PRRC2B: variants seen among roughly 807,000 people sequenced by gnomAD.
PRRC2B encodes the protein protein PRRC2B.
In PRRC2B, 68 loss-of-function variants were observed where a neutral mutation model predicts 242.3. The ratio of observed to expected loss-of-function variants is 0.28; its 90% CI spans 0.23 to 0.34. The LOEUF is 0.34. Ranked by LOEUF, PRRC2B falls within the 10% of genes least tolerant of loss-of-function variation. PRRC2B has a pLI of 1.00. For synonymous variants in PRRC2B, 1,228 were observed against 1,173.6 expected (o/e 1.05, Z -0.95); for missense variants, 2,835 against 2,954.8 (o/e 0.96, Z 0.94).
At position 131,484,976 on chromosome 9, in the gene PRRC2B, A is replaced by G. The variant is rs887946317; in HGVS notation, c.5594A>G (p.Asn1865Ser). The G allele has an allele frequency of 3.7e-6, 6 of 1,610,908 alleles. No homozygotes were observed. Among genetic ancestry groups the G allele is most frequent in the Non-Finnish European group, 4.2e-6 (5 of 1,178,666 alleles). ...GAGTCTGCGCGCAAGGCTTGGGAAA[A>G]CTCCCCCAGTTTGCCGGAGCAGAGC... ...KMESARKAWE[N>S]SPSLPEQSSP... is the part of the protein sequence containing the mutation. The change falls in exon 25 of 32, where the codon AAC (asparagine) becomes AGC (serine). Residue 1865 changes from asparagine to serine, a missense_variant. This residue lies in a region of PRRC2B where 574 missense variants were observed against 626.0 expected (regional missense o/e 0.92). Coordinates refer to ENST00000683519, the MANE Select transcript of PRRC2B (RefSeq NM_013318.4).
chr9:131,488,323 G>T (rs1218409516), intron 28 of PRRC2B, among the ~76,000 whole-genome samples: 1 of 151,546 alleles, frequency 6.6e-6, no homozygotes, highest in African/African-American at 2.4e-5. Context: ...GAGTGCAGTG[G>T]CATGATCTCG....
In PRRC2B at chr9:131,486,138, C is replaced by T. The variant is rs1944017685; in HGVS notation, c.5812C>T (p.Arg1938Trp). The change falls in exon 26 of 32, where the codon CGG (arginine) becomes TGG (tryptophan). Residue 1938 changes from arginine (R) to tryptophan (W), a missense_variant. By Grantham distance (101) the Arg-to-Trp change is moderately radical. Coordinates refer to ENST00000683519, the MANE Select transcript of PRRC2B (RefSeq NM_013318.4). ...LDGHVFASQP[R>W]LVPQTIPQQQ... ...TGGCCATGTGTTTGCAAGTCAGCCCCGGCTGGTTCCTCAAACGATACCTCA... is the reference window on the plus strand; with the variant it reads ...TGGCCATGTGTTTGCAAGTCAGCCCTGGCTGGTTCCTCAAACGATACCTCA... 5 of 1,612,944 alleles carry T rather than the reference C, an allele frequency of 3.1e-6. No homozygotes were observed. The highest frequency in any genetic ancestry group is 1.7e-5 in the Admixed American group (1 of 59,852).
rs757907155 is a variant in PRRC2B at position 131,483,377 on chromosome 9, C to T, written c.5392C>T (p.Pro1798Ser). 6.2e-7 allele frequency: 1 copy of T among 1,613,968 alleles called. No homozygotes were observed. Among genetic ancestry groups the T allele is most frequent in the Admixed American group, 1.7e-5 (1 of 60,022 alleles). ...TTTTCAGGACTCCGATTTCAGCTTG[C>T]CACCTGGTTCTGCCTCTGGTCCTAC... ...VSPKDSDFSL[P>S]PGSASGPTGS... The change falls in exon 23 of 32, where the codon CCA becomes TCA. Residue 1798 changes from proline (P) to serine (S), a missense_variant. Physicochemically the swap from Pro to Ser is moderately conservative, Grantham distance 74. Transcript: ENST00000683519.
intron 11 of PRRC2B, among the ~76,000 whole-genome samples, chr9:131,460,616 A>C (rs1272432231): frequency 6.6e-6 from 1 of 152,130 alleles, no homozygotes; most frequent in Non-Finnish European, 1.5e-5. Context: ...GTTGGGAGAA[A>C]CTTTGAGACT....
intron 1 of PRRC2B, among the ~76,000 whole-genome samples, chr9:131,406,290 T>C (rs1837359117): frequency 2.0e-5 from 3 of 152,192 alleles, no homozygotes; most frequent in Admixed American, 2.0e-4. Context: ...GCATCAGGGC[T>C]CTTCTGTACA....
chr9:131,487,726 T>G lies in PRRC2B; in HGVS notation c.5985-130T>G. The G allele has an allele frequency of 9.6e-6, 12 of 1,245,466 alleles. No homozygotes were observed. The highest frequency in any genetic ancestry group is 1.3e-5 in the Non-Finnish European group (12 of 913,824). 77.2% of individuals were successfully genotyped at this position (1,245,466 alleles called of 1,614,324 possible). ...TTCTCAGGCCCCATCCTGGACCCTC[T>G]GAGTCGCGCTCTGGGGGTGGGGCCG... On this transcript the variant is annotated intron_variant, in intron 27 of 31. Transcript: ENST00000683519. The surrounding 1 kb of genome is among the most constrained non-coding windows in gnomAD (Gnocchi z 5.3).
intron 28 of PRRC2B, chr9:131,490,953 G>A: frequency 3.7e-6 from 1 of 270,204 alleles, no homozygotes; most frequent in South Asian, 4.2e-5. Flanking sequence ...ATGCCGCTCT[G>A]CATCCCGAGT....
intron 1 of PRRC2B, among the ~76,000 whole-genome samples, chr9:131,411,200 T>C (rs1588240190): frequency 1.3e-5 from 2 of 151,770 alleles, no homozygotes; most frequent in East Asian, 3.9e-4. Flanking sequence ...GAGATTGCAG[T>C]GAGCCGAGAT....
At position 131,376,468 on chromosome 9, in the gene PRRC2B, A is replaced by C. The variant is rs12344727; in HGVS notation, c.-56+2737A>C. Among the ~76,000 whole-genome samples, 813 of 151,670 alleles carry C rather than the reference A, an allele frequency of 5.4e-3. 4 individuals carry two copies. Among genetic ancestry groups the C allele is most frequent in the African/African-American group, 0.018 (752 of 41,012 alleles). ...CTGTGACAGAGACTACTGGGTGTTC[A>C]GCAATCCTCATTTACTTTTCCTCCA... is the stretch of plus-strand genomic sequence containing the variant. On this transcript the variant is annotated intron_variant, in intron 1 of 1. Transcript: ENST00000682525.
intron 3 of PRRC2B, 55 bp from the exon 4 acceptor site, chr9:131,436,565 A>G: frequency 7.1e-7 from 1 of 1,418,346 alleles, no homozygotes; most frequent in Non-Finnish European, 9.8e-7. Context: ...GAACGCAGAG[A>G]CCTGGCCAGC....
chr9:131,383,920 C>T (rs1307895493), intron 1 of PRRC2B, among the ~76,000 whole-genome samples: 1 of 150,758 alleles, frequency 6.6e-6, no homozygotes, highest in Admixed American at 6.6e-5. Context: ...TGCGCCCGGC[C>T]GGTTTTGGTT....
At chr9:131,488,219 C>A in intron 28 of PRRC2B, 123 bp downstream of exon 28, 2 of 1,345,548 alleles carry the variant, frequency 1.5e-6, no homozygotes, top group Non-Finnish European at 2.0e-6. Flanking sequence ...AGCCACCGTG[C>A]CCATTCCTCA....
At chr9:131,490,277 A>G (rs1271216516) in intron 28 of PRRC2B, among the ~76,000 whole-genome samples, 1 of 150,358 alleles carries the variant, frequency 6.7e-6, no homozygotes, top group Non-Finnish European at 1.5e-5. Flanking sequence ...TGGCTTTAAA[A>G]GGATTCAGAA....
intron 9 of PRRC2B, among the ~76,000 whole-genome samples, chr9:131,452,408 G>A (rs1302269024): frequency 2.6e-5 from 4 of 152,156 alleles, no homozygotes; most frequent in African/African-American, 9.7e-5. Context: ...TTATGAGACT[G>A]TGCAGTTTCC....
At chr9:131,428,847 A>G (rs1838045014) in intron 1 of PRRC2B, among the ~76,000 whole-genome samples, 1 of 152,208 alleles carries the variant, frequency 6.6e-6, no homozygotes, top group Non-Finnish European at 1.5e-5. Context: ...GGTTTTTGGT[A>G]AGGAAGCTTA....
At chr9:131,392,074 T>C (rs12238623), upstream of PRRC2B, among the ~76,000 whole-genome samples, 33,351 of 151,108 alleles carry the variant, frequency 0.22, 3,809 homozygotes, top group Admixed American at 0.26. Flanking sequence ...TCAGATAGTT[T>C]ATTTCTTTTT....
chr9:131,479,929 T>A (rs549452011), intron 19 of PRRC2B, among the ~76,000 whole-genome samples: 246 of 152,318 alleles, frequency 1.6e-3, no homozygotes, highest in Non-Finnish European at 1.9e-3. Flanking sequence ...TTTTTTTTTT[T>A]AATTCTATAT....
At position 131,459,168 on chromosome 9, in the gene PRRC2B, A is replaced by G; in HGVS notation, c.1216A>G (p.Ser406Gly). Residue 406 changes from serine to glycine, a missense_variant, in exon 11 of 32, where the codon AGT (serine) becomes GGT (glycine). Around this residue, in one of 7 missense-constraint regions of PRRC2B, gnomAD observed 626 missense variants for 685.5 expected, o/e 0.91. Transcript: ENST00000683519. Reference sequence around the variant, plus strand: ...ATCAAATGTGGTTTGTCCTAGGAACAGTTGGGACCCTAGGAGGCAGCGGCA... The same window carrying G: ...ATCAAATGTGGTTTGTCCTAGGAACGGTTGGGACCCTAGGAGGCAGCGGCA... ...VVKDGRPKWN[S>G]WDPRRQRQLS... 6.2e-7 allele frequency: 1 copy of G among 1,613,760 alleles called. No individual in the cohort carries two copies. The highest frequency in any genetic ancestry group is 1.1e-5 in the South Asian group (1 of 91,076).
chr9:131,447,894 G>A, intron 9 of PRRC2B, 90 bp downstream of exon 9: 2 of 1,405,540 alleles, frequency 1.4e-6, no homozygotes, highest in South Asian at 1.5e-5. Flanking sequence ...ACCACCGTGT[G>A]TTTTCCCTTG....
Sources: gnomAD v4.1 joint callset for allele counts (sites outside exome capture counted in the v4.1 genomes callset) on GRCh38, gnomAD v4.1.1 for gene constraint, gnomAD v4.1.1 regional missense constraint, Gnocchi (gnomAD v3.1) non-coding constraint, MANE v1.5 for transcripts, NCBI Gene and HGNC (gene_info 2026-07-23, HGNC 2026-07-21) for gene names.